The following SPTBN4 variants were observed in gnomAD, a reference collection of about 807,000 sequenced individuals.
SPTBN4 encodes spectrin beta chain, non-erythrocytic 4.
A neutral mutation model predicts 277.8 loss-of-function variants in SPTBN4; 96 were observed. The ratio of observed to expected loss-of-function variants is 0.35; its 90% CI spans 0.29 to 0.41. The LOEUF (loss-of-function observed/expected upper bound fraction) is 0.41. Among genes scored for constraint, SPTBN4 ranks in the 10% least tolerant of loss-of-function variants. SPTBN4 has a pLI of 1.00. For missense variants in SPTBN4, 3,006 were observed against 3,595.7 expected, an observed-to-expected ratio of 0.84 and a Z score of 4.19; for synonymous variants, 1,481 against 1,580.3, an observed-to-expected ratio of 0.94 and a Z score of 1.49.
chr19:40,536,147 C>T, intron 20 of SPTBN4, among the ~76,000 whole-genome samples: 1 of 151,912 alleles, frequency 6.6e-6, no homozygotes, highest in African/African-American at 2.4e-5. Context: ...CCAATGGGGT[C>T]AGTTCGTTCT....
chr19:40,554,206 G>C lies in SPTBN4; in HGVS notation c.4734G>C (p.Ala1578=), dbSNP rs752471396. The change falls in exon 23 of 36, where the codon GCG becomes GCC. Residue 1578 remains alanine, a synonymous_variant. Transcript: ENST00000598249. This position sits in a 1 kb window ranked among gnomAD's most constrained non-coding sequence, Gnocchi z 5.7. ...GPRLEEVLER[A]GALASLRSPE... ...GCCTGGAGGAGGTGCTGGAGCGCGC[G>C]GGCGCGCTGGCGTCGCTGCGCAGCC... 10 of 1,482,918 alleles carry C rather than the reference G, an allele frequency of 6.7e-6. No individual in the cohort carries two copies. The Admixed American group carries it at 7.4e-5, about 11-fold the overall frequency. 91.9% of individuals were successfully genotyped at this position (1,482,918 alleles called of 1,614,324 possible).
chr19:40,483,025 GACAC>G (rs1300405963), intron 2 of SPTBN4, among the ~76,000 whole-genome samples: 1 of 151,178 alleles, frequency 6.6e-6, no homozygotes, highest in African/African-American at 2.4e-5. Flanking sequence ...CACACACATA[GACAC>G]ACACACCCCT....
rs149340232 is a variant in SPTBN4 at position 40,503,338 on chromosome 19, G to A, written c.1362+405G>A. Among the ~76,000 whole-genome samples, 1,304 of 152,180 alleles carry A rather than the reference G, an allele frequency of 8.6e-3. 14 individuals are homozygous for A. Among genetic ancestry groups the A allele is most frequent in the South Asian group, 0.04 (192 of 4,822 alleles). Reference sequence around the variant, plus strand: ...AGGGGAAGCATGGGCCTCCTTCCTGGGTAACAAGTTTAAGGTTAGAGATGT... The same window carrying A: ...AGGGGAAGCATGGGCCTCCTTCCTGAGTAACAAGTTTAAGGTTAGAGATGT... On this transcript the variant is annotated intron_variant, in intron 11 of 35. Coordinates refer to ENST00000598249, the MANE Select transcript of SPTBN4 (RefSeq NM_020971.3).
chr19:40,570,940 C>A, intron 33 of SPTBN4: 3 of 503,942 alleles, frequency 6.0e-6, no homozygotes, highest in South Asian at 2.8e-5. Flanking sequence ...TCAGGCCCTC[C>A]AACCCGTGGG....
intron 6 of SPTBN4, 174 bp from the exon 7 acceptor site, chr19:40,497,315 A>G (rs1488668706): frequency 1.2e-5 from 7 of 601,722 alleles, no homozygotes; most frequent in Non-Finnish European, 2.1e-5. Flanking sequence ...GCCCGCGTCC[A>G]TCACACTCAC....
intron 2 of SPTBN4, among the ~76,000 whole-genome samples, chr19:40,478,520 G>A (rs1051044787): frequency 6.6e-6 from 1 of 152,072 alleles, no homozygotes; most frequent in African/African-American, 2.4e-5. Context: ...GGGCAACAGA[G>A]TGAGATCCCA....
chr19:40,475,058 AAC>A (rs1445798493), intron 2 of SPTBN4, among the ~76,000 whole-genome samples: 2 of 152,094 alleles, frequency 1.3e-5, no homozygotes, highest in Non-Finnish European at 2.9e-5. Context: ...GATGTATCAG[AAC>A]AATATTAGCA....
intron 18 of SPTBN4, among the ~76,000 whole-genome samples, chr19:40,531,861 C>T (rs1255399864): frequency 6.6e-6 from 1 of 151,770 alleles, no homozygotes; most frequent in Non-Finnish European, 1.5e-5. Context: ...GTTTGGAGAG[C>T]CAGAACACAG....
chr19:40,572,927 C>G (rs2081168540), intron 35 of SPTBN4, among the ~76,000 whole-genome samples: 1 of 152,090 alleles, frequency 6.6e-6, no homozygotes, highest in African/African-American at 2.4e-5. Context: ...CCATTGCACT[C>G]AAGCCTGGGG....
At position 40,569,682 on chromosome 19, in the gene SPTBN4, G is replaced by C. The variant is rs770229641; in HGVS notation, c.6982G>C (p.Glu2328Gln). The C allele has an allele frequency of 1.2e-6, 2 of 1,612,828 alleles. No individual in the cohort carries two copies. The highest frequency in any genetic ancestry group is 3.3e-5 in the Admixed American group (2 of 59,768). Residue 2328 changes from glutamate to glutamine, a missense_variant, in exon 32 of 36, where the codon GAA becomes CAA. By Grantham distance (29) the Glu-to-Gln change is conservative (BLOSUM62 2). Around this residue, in one of 5 missense-constraint regions of SPTBN4, gnomAD observed 630 missense variants for 677.6 expected, o/e 0.93. Coordinates refer to ENST00000598249, the MANE Select transcript of SPTBN4 (RefSeq NM_020971.3). ...KGKATLADIV[E>Q]QLQEKEAGPG... Reference sequence around the variant, plus strand: ...GAAGGCCACCCTGGCTGACATTGTGGAACAGCTGCAGGAGAAAGAGGCAGG... The same window carrying C: ...GAAGGCCACCCTGGCTGACATTGTGCAACAGCTGCAGGAGAAAGAGGCAGG...
chr19:40,479,728 T>C (rs956811867), intron 2 of SPTBN4, among the ~76,000 whole-genome samples: 19 of 147,006 alleles, frequency 1.3e-4, no homozygotes, highest in Middle Eastern at 7.4e-3. Flanking sequence ...TTAAAGTAGT[T>C]CATGACACAG....
intron 15 of SPTBN4, among the ~76,000 whole-genome samples, chr19:40,518,939 C>T (rs1480198692): frequency 6.6e-6 from 1 of 152,064 alleles, no homozygotes; most frequent in Non-Finnish European, 1.5e-5. Flanking sequence ...AAATATCTAA[C>T]GTGTTAATAT....
chr19:40,474,432 ATTTT>A (rs1166054943), intron 2 of SPTBN4, among the ~76,000 whole-genome samples: 2 of 132,720 alleles, frequency 1.5e-5, no homozygotes, highest in Non-Finnish European at 3.3e-5. Context: ...TCACCCTACC[ATTTT>A]TTTTTTTTTT....
intron 2 of SPTBN4, among the ~76,000 whole-genome samples, chr19:40,473,088 C>T (rs1382011717): frequency 2.0e-5 from 3 of 151,616 alleles, no homozygotes; most frequent in Admixed American, 2.0e-4. Flanking sequence ...ATTCTGTTGC[C>T]CCGGCTGGGG....
At chr19:40,555,488 T>TC (rs2080967166) in intron 24 of SPTBN4, among the ~76,000 whole-genome samples, 1 of 40,746 alleles carries the variant, frequency 2.5e-5, no homozygotes, top group South Asian at 6.6e-4. Flanking sequence ...AGACTCCGTC[T>TC]CAAAAAAAAA....
chr19:40,569,196 C>A (rs1363211957), intron 31 of SPTBN4, among the ~76,000 whole-genome samples: 1 of 151,974 alleles, frequency 6.6e-6, no homozygotes, highest in South Asian at 2.1e-4. Flanking sequence ...GAGGTTGAGG[C>A]GGGCAGATCA....
rs1266608577 is a variant in SPTBN4, at chr19:40,502,610, A to G, written c.1203+103A>G. ...TCACATTGTAGACATGATGGATTAG[A>G]TATTCATTCTGACAGTTTTTCAGTA... On this transcript the variant is annotated intron_variant, in intron 10 of 35. Coordinates refer to ENST00000598249, the MANE Select transcript of SPTBN4 (RefSeq NM_020971.3). The surrounding 1 kb of genome is among the most constrained non-coding windows in gnomAD (Gnocchi z 4.9). 3 of 1,433,772 alleles carry G rather than the reference A, an allele frequency of 2.1e-6. No individual in the cohort carries two copies. The highest frequency in any genetic ancestry group is 2.1e-5 in the Admixed American group (1 of 46,812). 88.8% of individuals were successfully genotyped at this position (1,433,772 alleles called of 1,614,324 possible).
At position 40,560,192 on chromosome 19, in the gene SPTBN4, C is replaced by T. The variant is rs570089623; in HGVS notation, c.5704C>T (p.Arg1902Trp). Residue 1902 changes from arginine (R) to tryptophan (W), a missense_variant, in exon 27 of 36, where the codon CGG becomes TGG. This residue lies in a region of SPTBN4 where 425 missense variants were observed against 594.7 expected (regional missense o/e 0.71). Coordinates refer to ENST00000598249, the MANE Select transcript of SPTBN4 (RefSeq NM_020971.3). This position sits in a 1 kb window ranked among gnomAD's most constrained non-coding sequence, Gnocchi z 5.2. ...GCTGCAGGAGGGGGCGGCCCAGCTG[C>T]GGACGGTGTATGCGGGTGAACATGC... ...RQLQEGAAQL[R>W]TVYAGEHAEA... 6 of 1,602,674 alleles carry T rather than the reference C, an allele frequency of 3.7e-6. No homozygotes were observed. The highest frequency in any genetic ancestry group is 2.2e-5 in the East Asian group (1 of 44,876).
intron 16 of SPTBN4, among the ~76,000 whole-genome samples, chr19:40,522,070 G>T (rs993681115): frequency 6.6e-6 from 1 of 151,978 alleles, no homozygotes; most frequent in African/African-American, 2.4e-5. Flanking sequence ...TCTGTCACCC[G>T]GGCCAGAGTA....
Sources: gnomAD v4.1 joint callset for allele counts (sites outside exome capture counted in the v4.1 genomes callset) on GRCh38, gnomAD v4.1.1 for gene constraint, gnomAD v4.1.1 regional missense constraint, Gnocchi (gnomAD v3.1) non-coding constraint, MANE v1.5 for transcripts, NCBI Gene and HGNC (gene_info 2026-07-23, HGNC 2026-07-21) for gene names.